Variants in EYA4 observed in about 807,000 individuals in gnomAD.
The protein encoded by EYA4 is EYA transcriptional coactivator and phosphatase 4.
Under a neutral mutation model 87.9 loss-of-function variants are expected in EYA4, and 31 were observed. That is an observed-to-expected ratio of 0.35 (90% confidence interval 0.27 to 0.48). The LOEUF (loss-of-function observed/expected upper bound fraction) is 0.48, where lower values mean the gene tolerates loss of function less well. Ranked by LOEUF, EYA4 falls within the 20% of genes least tolerant of loss-of-function variation. EYA4 has a pLI of 0.99. For missense variants in EYA4, 678 were observed against 761.4 expected, an observed-to-expected ratio of 0.89 and a Z score of 1.29; for synonymous variants, 263 against 270.6, an observed-to-expected ratio of 0.97 and a Z score of 0.28.
intron 1 of EYA4, among the ~76,000 whole-genome samples, chr6:133,272,051 C>T (rs1019941926): frequency 2.0e-5 from 3 of 152,214 alleles, no homozygotes; most frequent in Non-Finnish European, 4.4e-5. Flanking sequence ...AGTATATAAT[C>T]ACACATCTGG....
rs2235485 is a variant in EYA4 at position 133,382,187 on chromosome 6, A to G, written c.34-205A>G. ...TTTCAGCTGAACATTTTACATACTA[A>G]TGGAGTCCAGGGAAGTGTATTTGGC... On this transcript the variant is annotated intron_variant, in intron 2 of 19. Coordinates refer to ENST00000355286, the MANE Select transcript of EYA4 (RefSeq NM_004100.5). Among the ~76,000 whole-genome samples, 18,699 of 152,114 alleles carry G rather than the reference A, an allele frequency of 0.12. 1,542 individuals are homozygous for G. The highest frequency in any genetic ancestry group is 0.29 in the East Asian group (1,505 of 5,162).
At chr6:133,306,228 T>C (rs1779797478) in intron 2 of EYA4, among the ~76,000 whole-genome samples, 1 of 152,172 alleles carries the variant, frequency 6.6e-6, no homozygotes, top group African/African-American at 2.4e-5. Context: ...CCGCGGTAAG[T>C]GGCAGAGTTC....
chr6:133,501,527 T>C (rs1353947229), intron 13 of EYA4, among the ~76,000 whole-genome samples: 2 of 152,190 alleles, frequency 1.3e-5, no homozygotes, highest in East Asian at 3.9e-4. Flanking sequence ...GTAAAATTTC[T>C]GTTCTGATTT....
intron 1 of EYA4, among the ~76,000 whole-genome samples, chr6:133,249,316 T>A (rs1392672634): frequency 1.3e-5 from 2 of 152,216 alleles, no homozygotes; most frequent in Non-Finnish European, 2.9e-5. Flanking sequence ...AATGTTGTCA[T>A]AACAAATATA....
At position 133,517,084 on chromosome 6, in the gene EYA4, A is replaced by T. The variant is rs550585344; in HGVS notation, c.1616+1649A>T. Reference sequence around the variant, plus strand: ...TAGTTTTGTCTTTAGATCTTTGAGGATTCGCCACACTGCCTTCCACAATGG... The same window carrying T: ...TAGTTTTGTCTTTAGATCTTTGAGGTTTCGCCACACTGCCTTCCACAATGG... On this transcript the variant is annotated intron_variant, in intron 17 of 19. Transcript: ENST00000355286. 5.9e-5 allele frequency among the ~76,000 whole-genome samples: 9 copies of T among 152,246 alleles called. No individual in the cohort carries two copies. The East Asian group carries it at 1.5e-3, about 26-fold the overall frequency.
At chr6:133,332,223 A>C (rs1782020067) in intron 2 of EYA4, among the ~76,000 whole-genome samples, 1 of 152,214 alleles carries the variant, frequency 6.6e-6, no homozygotes, top group African/African-American at 2.4e-5. Flanking sequence ...GAAGCCAAGG[A>C]AATCAGGGTT....
At chr6:133,441,283 AT>A (rs1350625936) in intron 3 of EYA4, among the ~76,000 whole-genome samples, 2 of 152,126 alleles carry the variant, frequency 1.3e-5, no homozygotes, top group Non-Finnish European at 2.9e-5. Flanking sequence ...AATAATACTT[AT>A]GTAATATATT....
chr6:133,505,140 A>G (rs1026082838), intron 13 of EYA4, among the ~76,000 whole-genome samples: 1 of 152,160 alleles, frequency 6.6e-6, no homozygotes, highest in African/African-American at 2.4e-5. Context: ...AGTTGCACCT[A>G]TGAGCAGTTC....
intron 2 of EYA4, among the ~76,000 whole-genome samples, chr6:133,288,045 C>G (rs1778206277): frequency 6.6e-6 from 1 of 152,120 alleles, no homozygotes; most frequent in Non-Finnish European, 1.5e-5. Flanking sequence ...AGAAGAATCG[C>G]TGGAACCCAG....
At chr6:133,264,162 T>C (rs966060121) in intron 1 of EYA4, among the ~76,000 whole-genome samples, 1 of 152,106 alleles carries the variant, frequency 6.6e-6, no homozygotes, top group African/African-American at 2.4e-5. Context: ...GCGAGAACAA[T>C]GGAACAGGAC....
intron 1 of EYA4, among the ~76,000 whole-genome samples, chr6:133,267,871 A>G (rs1776356398): frequency 6.6e-6 from 1 of 152,130 alleles, no homozygotes; most frequent in Non-Finnish European, 1.5e-5. Flanking sequence ...ATACTGGGTA[A>G]AAGGGCTTAA....
chr6:133,396,714 G>A (rs1464770202), intron 3 of EYA4, among the ~76,000 whole-genome samples: 4 of 152,150 alleles, frequency 2.6e-5, no homozygotes, highest in Admixed American at 6.5e-5. Context: ...GTGTGTTTGT[G>A]TGTGTGTCTG....
intron 13 of EYA4, among the ~76,000 whole-genome samples, chr6:133,484,145 C>G (rs1562475110): frequency 1.3e-5 from 2 of 152,170 alleles, no homozygotes; most frequent in African/African-American, 4.8e-5. Context: ...TAGGCAATAA[C>G]TGTTTAAGTC....
intron 16 of EYA4, among the ~76,000 whole-genome samples, chr6:133,514,868 A>G (rs1366414856): frequency 1.3e-5 from 2 of 152,222 alleles, no homozygotes; most frequent in Non-Finnish European, 2.9e-5. Flanking sequence ...TTACTGTTTG[A>G]AAGTGGAAAT....
At position 133,421,124 on chromosome 6, in the gene EYA4, C is replaced by T. The variant is rs536195673; in HGVS notation, c.84-25506C>T. Among the ~76,000 whole-genome samples the T allele has an allele frequency of 5.3e-5, 8 of 152,286 alleles. No homozygotes were observed. The East Asian group carries it at 7.8e-4, about 15-fold the overall frequency. On this transcript the variant is annotated intron_variant, in intron 3 of 19. Transcript: ENST00000355286. ...CCTCAAGTGAAGACAAGGCTAGTTA[C>T]GGCCTCATTATGCAAGAGGTCAGAG...
At chr6:133,388,204 C>T (rs544463216) in intron 3 of EYA4, among the ~76,000 whole-genome samples, 24 of 151,746 alleles carry the variant, frequency 1.6e-4, no homozygotes, top group African/African-American at 3.9e-4. Flanking sequence ...GTTGGGAGTT[C>T]GAGACCAGCC....
At chr6:133,398,531 A>T (rs1211190864) in intron 3 of EYA4, among the ~76,000 whole-genome samples, 1 of 151,826 alleles carries the variant, frequency 6.6e-6, no homozygotes, top group African/African-American at 2.4e-5. Flanking sequence ...TCATATTTTC[A>T]TGTTGCCTTT....
intron 3 of EYA4, among the ~76,000 whole-genome samples, chr6:133,406,700 G>T (rs940016604): frequency 6.6e-6 from 1 of 152,136 alleles, no homozygotes; most frequent in African/African-American, 2.4e-5. Flanking sequence ...CAGATTGAAA[G>T]CTGTTAACAG....
At chr6:133,405,194 G>A (rs1026365093) in intron 3 of EYA4, among the ~76,000 whole-genome samples, 4 of 152,062 alleles carry the variant, frequency 2.6e-5, no homozygotes, top group African/African-American at 4.8e-5. Context: ...TGGACTTTGA[G>A]TTGGTAGGTA....
Sources: gnomAD v4.1 joint callset for allele counts (sites outside exome capture counted in the v4.1 genomes callset) on GRCh38, gnomAD v4.1.1 for gene constraint, MANE v1.5 for transcripts, NCBI Gene and HGNC (gene_info 2026-07-23, HGNC 2026-07-21) for gene names.